Variants in ELMO1 observed in about 807,000 individuals in gnomAD.
ELMO1 encodes engulfment and cell motility 1, also known as engulfment and cell motility protein 1.
ELMO1 carries 26 observed loss-of-function variants against 98.9 expected under a neutral mutation model. That is an observed-to-expected ratio of 0.26 (90% CI 0.19 to 0.36). The LOEUF (loss-of-function observed/expected upper bound fraction) is 0.36. ELMO1 is among the 10% of genes least tolerant of loss of function. The pLI is 1.00. For synonymous variants in ELMO1, 346 were observed against 346.0 expected, an observed-to-expected ratio of 1.00 and a Z score of 0.00; for missense variants, 627 against 935.2, an observed-to-expected ratio of 0.67 and a Z score of 4.30.
chr7:37,305,170 C>T (rs1798546644), intron 4 of ELMO1, among the ~76,000 whole-genome samples: 1 of 152,136 alleles, frequency 6.6e-6, no homozygotes, highest in African/African-American at 2.4e-5. Context: ...ATTAATGGAT[C>T]TTAGCCTAGG....
chr7:37,043,023 C>G (rs1795609061), intron 15 of ELMO1, among the ~76,000 whole-genome samples: 1 of 152,204 alleles, frequency 6.6e-6, no homozygotes, highest in African/African-American at 2.4e-5. Flanking sequence ...ATCGTGTCCA[C>G]ATTGCTGGGA....
chr7:37,002,863 T>C (rs896213679), intron 16 of ELMO1, among the ~76,000 whole-genome samples: 9 of 152,186 alleles, frequency 5.9e-5, no homozygotes, highest in African/African-American at 2.2e-4. Flanking sequence ...GGAAGCCAGA[T>C]AGGCAATTGC....
intron 1 of ELMO1, among the ~76,000 whole-genome samples, chr7:37,396,158 T>C (rs1803291451): frequency 6.6e-6 from 1 of 152,152 alleles, no homozygotes; most frequent in Non-Finnish European, 1.5e-5. Context: ...TAGCCATCCA[T>C]CTTGTATCAG....
At chr7:37,227,805 G>T (rs1216165033) in intron 8 of ELMO1, among the ~76,000 whole-genome samples, 2 of 152,072 alleles carry the variant, frequency 1.3e-5, no homozygotes, top group Non-Finnish European at 2.9e-5. Context: ...AAAATAATTT[G>T]CTGTCTTTGC....
At chr7:37,364,263 C>T (rs1801810326) in intron 1 of ELMO1, among the ~76,000 whole-genome samples, 1 of 152,294 alleles carries the variant, frequency 6.6e-6, no homozygotes, top group Admixed American at 6.5e-5. Flanking sequence ...AAATGAGACT[C>T]CAGAGAGACA....
At chr7:36,959,839 C>T (rs940110624) in intron 16 of ELMO1, among the ~76,000 whole-genome samples, 2 of 152,144 alleles carry the variant, frequency 1.3e-5, no homozygotes, top group Non-Finnish European at 2.9e-5. Context: ...TGTGACCATG[C>T]CTGCCTAATT....
intron 13 of ELMO1, among the ~76,000 whole-genome samples, chr7:37,197,434 G>A (rs1373506564): frequency 6.6e-6 from 1 of 152,190 alleles, no homozygotes; most frequent in African/African-American, 2.4e-5. Flanking sequence ...AAACAGACAT[G>A]TCCGAGTCTG....
chr7:37,179,026 T>C (rs551911546), intron 13 of ELMO1, among the ~76,000 whole-genome samples: 1 of 152,298 alleles, frequency 6.6e-6, no homozygotes, highest in African/African-American at 2.4e-5. Flanking sequence ...ATATTTGGTT[T>C]TGATAAATAT....
rs141321025 is a variant in ELMO1, at chr7:36,972,843, C to T, written c.1437+40456G>A. 3.4e-3 allele frequency among the ~76,000 whole-genome samples: 525 copies of T among 152,280 alleles called. 1 individual carries two copies. The highest frequency in any genetic ancestry group is 6.3e-3 in the Admixed American group (97 of 15,296). ...CTAGGCTGGATGGAGTACAATGGCG[C>T]GATCTCGGCTCACTGCAACTTCTAC... On this transcript the variant is annotated intron_variant, in intron 16 of 21. Coordinates refer to ENST00000310758, the MANE Select transcript of ELMO1 (RefSeq NM_014800.11).
chr7:37,380,619 G>A (rs1802542871), intron 1 of ELMO1, among the ~76,000 whole-genome samples: 1 of 152,132 alleles, frequency 6.6e-6, no homozygotes, highest in African/African-American at 2.4e-5. Flanking sequence ...GTTCTATAAA[G>A]TCACCACAAA....
intron 14 of ELMO1, among the ~76,000 whole-genome samples, chr7:37,123,003 A>C (rs769621992): frequency 2.6e-5 from 4 of 152,146 alleles, no homozygotes; most frequent in Non-Finnish European, 5.9e-5. Flanking sequence ...GCTCAACTAC[A>C]TGGAAACTGA....
intron 4 of ELMO1, among the ~76,000 whole-genome samples, chr7:37,291,471 A>G (rs1048505991): frequency 2.6e-5 from 4 of 152,254 alleles, no homozygotes; most frequent in Non-Finnish European, 5.9e-5. Flanking sequence ...TGTCCACAAC[A>G]TATAAACAAC....
chr7:36,948,242 G>A (rs1787670620), intron 16 of ELMO1, among the ~76,000 whole-genome samples: 1 of 152,100 alleles, frequency 6.6e-6, no homozygotes, highest in African/African-American at 2.4e-5. Context: ...GGCGGGGTGG[G>A]GAGGACCACT....
rs114067344 is a variant in ELMO1, at chr7:37,087,119, C to T, written c.1300+9500G>A. 4.1e-3 allele frequency among the ~76,000 whole-genome samples: 617 copies of T among 151,894 alleles called. 12 individuals are homozygous for T. Among genetic ancestry groups the T allele is most frequent in the African/African-American group, 0.014 (598 of 41,462 alleles). The stretch of plus-strand genomic sequence containing the variant: ...TTGCTACTGTTATAATCTTTTTTTT[C>T]CATTTTATAATTATTGCTGACATAT... On this transcript the variant is annotated intron_variant, in intron 15 of 21. Transcript: ENST00000310758.
intron 6 of ELMO1, among the ~76,000 whole-genome samples, chr7:37,253,853 C>CG (rs1405044584): frequency 6.6e-6 from 1 of 152,016 alleles, no homozygotes; most frequent in African/African-American, 2.4e-5. Flanking sequence ...AAAATTTCCA[C>CG]AGGTCCTGCT....
intron 13 of ELMO1, among the ~76,000 whole-genome samples, chr7:37,135,544 T>C (rs777208752): frequency 3.3e-5 from 5 of 152,168 alleles, no homozygotes; most frequent in African/African-American, 4.8e-5. Flanking sequence ...AGACCGATCA[T>C]ATCACAGGAC....
intron 2 of ELMO1, among the ~76,000 whole-genome samples, chr7:37,324,626 G>T (rs1799701270): frequency 6.6e-6 from 1 of 152,140 alleles, no homozygotes; most frequent in Admixed American, 6.5e-5. Flanking sequence ...CCGTCACAAA[G>T]GCTGGAGTGC....
At chr7:37,429,048 TTG>T in intron 1 of ELMO1, among the ~76,000 whole-genome samples, 1 of 152,004 alleles carries the variant, frequency 6.6e-6, no homozygotes, top group African/African-American at 2.4e-5. Context: ...GTTGTTGTTG[TTG>T]TTGTTATTTT....
At chr7:37,122,583 T>C (rs927208915) in intron 14 of ELMO1, among the ~76,000 whole-genome samples, 2 of 151,082 alleles carry the variant, frequency 1.3e-5, no homozygotes, top group African/African-American at 2.4e-5. Flanking sequence ...ACAAGAAGAG[T>C]TAACGATCCT....
Sources: gnomAD v4.1 joint callset for allele counts (sites outside exome capture counted in the v4.1 genomes callset) on GRCh38, gnomAD v4.1.1 for gene constraint, MANE v1.5 for transcripts, NCBI Gene and HGNC (gene_info 2026-07-23, HGNC 2026-07-21) for gene names.